Variants in TMEM272 observed in about 807,000 individuals in gnomAD.
TMEM272 encodes long intergenic non-protein coding RNA 282.
TMEM272 carries 8 observed loss-of-function variants against 3.7 expected under a neutral mutation model. That is an observed-to-expected ratio of 2.17 (90% confidence interval 1.27 to 3.91). The LOEUF is 3.91. Ranked by LOEUF, TMEM272 falls within the 30% of genes most tolerant of loss-of-function variation. The pLI is 0.00. For synonymous variants in TMEM272, 63 were observed against 39.8 expected, an observed-to-expected ratio of 1.58 and a Z score of -2.20; for missense variants, 166 against 91.5, an observed-to-expected ratio of 1.81 and a Z score of -3.32.
At chr13:51,908,333 T>G in the TMEM272 span, 1 of 1,419,660 alleles carries the variant, frequency 7.0e-7, no homozygotes. Context: ...AAAATCCAGG[T>G]CTTGGGGGAA....
At chr13:51,921,835 A>G in the TMEM272 span, among the ~76,000 whole-genome samples, 1 of 152,074 alleles carries the variant, frequency 6.6e-6, no homozygotes, top group Admixed American at 6.5e-5. Flanking sequence ...GGTCCAAAGC[A>G]TTTTCTCAGA....
chr13:51,922,648 C>CA, the TMEM272 span, among the ~76,000 whole-genome samples: 4 of 152,172 alleles, frequency 2.6e-5, no homozygotes, highest in Non-Finnish European at 2.9e-5. Context: ...TAAAACAATG[C>CA]AAATTTGTCC....
At chr13:51,909,333 T>G in the TMEM272 span, 1 of 893,340 alleles carries the variant, frequency 1.1e-6, no homozygotes, top group African/African-American at 1.6e-5. Flanking sequence ...TTTGGCTCGC[T>G]TTCTGCAGGT....
At chr13:51,915,039 T>C in the TMEM272 span, among the ~76,000 whole-genome samples, 1 of 152,218 alleles carries the variant, frequency 6.6e-6, no homozygotes, top group African/African-American at 2.4e-5. Context: ...GTTTAGAATG[T>C]AAATACTTCA....
In TMEM272 at chr13:51,819,170, T is replaced by A. The variant is rs554651864; in HGVS notation, c.202-2057A>T. Among the ~76,000 whole-genome samples, 56 of 152,244 alleles carry A rather than the reference T, an allele frequency of 3.7e-4. No homozygotes were observed. In the South Asian group the frequency reaches 4.8e-3, roughly 13 times the overall value. On this transcript the variant is annotated intron_variant, in intron 4 of 4. Transcript: ENST00000629372. Reference sequence around the variant, plus strand: ...AGAAGGGGCATACTTGGGACCCCTATGCACAAGGAGAGGTGCGAGGGTCCT... The same window carrying A: ...AGAAGGGGCATACTTGGGACCCCTAAGCACAAGGAGAGGTGCGAGGGTCCT...
chr13:51,870,068 G>A, the TMEM272 span, among the ~76,000 whole-genome samples: 1 of 152,146 alleles, frequency 6.6e-6, no homozygotes, highest in African/African-American at 2.4e-5. Context: ...TCTTTATGGT[G>A]GCTTTTGTGG....
intron 4 of TMEM272, among the ~76,000 whole-genome samples, chr13:51,819,945 CT>C (rs1180757122): frequency 6.6e-6 from 1 of 152,108 alleles, no homozygotes; most frequent in African/African-American, 2.4e-5. Flanking sequence ...TCCTTGTTGG[CT>C]TAGAGAAGTC....
chr13:51,865,942 G>A, the TMEM272 span: 4 of 1,614,056 alleles, frequency 2.5e-6, no homozygotes, highest in Non-Finnish European at 3.4e-6. Flanking sequence ...GGGAGGAAGA[G>A]AATGCCCTCT....
the TMEM272 span, among the ~76,000 whole-genome samples, chr13:51,903,930 AAC>A: frequency 6.4e-5 from 2 of 31,054 alleles, no homozygotes; most frequent in Admixed American, 3.7e-4. Flanking sequence ...GGGTTTCTCC[AAC>A]AGTCTTCCAC....
intron 4 of TMEM272, among the ~76,000 whole-genome samples, chr13:51,820,350 C>T (rs1168650828): frequency 1.3e-5 from 2 of 152,208 alleles, no homozygotes; most frequent in Non-Finnish European, 2.9e-5. Context: ...ATCATTATCA[C>T]AGGCAAACTT....
intron 4 of TMEM272, among the ~76,000 whole-genome samples, chr13:51,821,452 A>G (rs1404800483): frequency 1.3e-5 from 2 of 152,128 alleles, no homozygotes; most frequent in East Asian, 3.8e-4. Context: ...ACAGCCCAGG[A>G]GCAGATTAAC....
At chr13:51,884,812 C>G in the TMEM272 span, among the ~76,000 whole-genome samples, 4 of 152,210 alleles carry the variant, frequency 2.6e-5, no homozygotes, top group African/African-American at 9.6e-5. Context: ...TGAGCTGATA[C>G]ATGTAAAGCA....
At chr13:51,926,895 A>G in the TMEM272 span, among the ~76,000 whole-genome samples, 1 of 152,214 alleles carries the variant, frequency 6.6e-6, no homozygotes, top group African/African-American at 2.4e-5. Context: ...TTTAAAAAAT[A>G]AAATAATAAA....
chr13:51,876,125 CA>C, the TMEM272 span, among the ~76,000 whole-genome samples: 1 of 152,314 alleles, frequency 6.6e-6, no homozygotes, highest in Admixed American at 6.5e-5. Context: ...GTGTTCCCCC[CA>C]AAAAAAGGAA....
At chr13:51,866,351 G>A in the TMEM272 span, 11 of 360,120 alleles carry the variant, frequency 3.1e-5, no homozygotes, top group East Asian at 8.8e-5. Flanking sequence ...CAGCCTGTGC[G>A]GGTGTTTGGA....
At chr13:51,905,238 G>C in the TMEM272 span, among the ~76,000 whole-genome samples, 25 of 152,340 alleles carry the variant, frequency 1.6e-4, no homozygotes, top group East Asian at 4.2e-3. Context: ...CCAGAGAAAA[G>C]AGCTGTCACG....
At chr13:51,873,443 A>G in the TMEM272 span, among the ~76,000 whole-genome samples, 2 of 152,246 alleles carry the variant, frequency 1.3e-5, no homozygotes, top group Non-Finnish European at 2.9e-5. Context: ...GTCAGTATAT[A>G]ATGCCTAACA....
the TMEM272 span, among the ~76,000 whole-genome samples, chr13:51,912,681 C>T: frequency 6.6e-6 from 1 of 152,198 alleles, no homozygotes; most frequent in African/African-American, 2.4e-5. Flanking sequence ...ATGTGGGCTA[C>T]CAGTGGCACT....
chr13:51,867,205 A>G, the TMEM272 span, among the ~76,000 whole-genome samples: 1 of 152,110 alleles, frequency 6.6e-6, no homozygotes, highest in African/African-American at 2.4e-5. Flanking sequence ...GCACCTCCTC[A>G]TGTGACCTTC....
Sources: allele counts gnomAD v4.1 joint callset (sites outside exome capture counted in the v4.1 genomes callset), GRCh38; gene constraint gnomAD v4.1.1; transcripts MANE v1.5; gene names NCBI Gene and HGNC (gene_info 2026-07-23, HGNC 2026-07-21).